MBP: variants seen among roughly 807,000 people sequenced by gnomAD.
The protein encoded by MBP is Golli-MBP.
In MBP, 16 loss-of-function variants were observed where a neutral mutation model predicts 35.8. That is an observed-to-expected ratio of 0.45 (90% CI 0.30 to 0.68). The LOEUF (loss-of-function observed/expected upper bound fraction) is 0.68. Among genes scored for constraint, MBP ranks in the 30% least tolerant of loss-of-function variants. The probability of loss-of-function intolerance (pLI) is 0.08; values close to 1 mark genes in which losing one functional copy is unlikely to be tolerated. For missense variants in MBP, 380 were observed against 404.7 expected (o/e 0.94, Z 0.52); for synonymous variants, 143 against 159.6 (o/e 0.90, Z 0.78).
chr18:77,039,599 G>T (rs897891850), intron 3 of MBP, among the ~76,000 whole-genome samples: 2 of 152,226 alleles, frequency 1.3e-5, no homozygotes, highest in Non-Finnish European at 2.9e-5. Context: ...AACACAGCAG[G>T]CATGCAGGGG....
intron 2 of MBP, among the ~76,000 whole-genome samples, chr18:77,103,133 C>T (rs1462335753): frequency 6.6e-6 from 1 of 152,202 alleles, no homozygotes; most frequent in Non-Finnish European, 1.5e-5. Context: ...GTCACCTACT[C>T]GCCTTCCATG....
At chr18:77,070,170 C>T (rs1261628548) in intron 2 of MBP, among the ~76,000 whole-genome samples, 2 of 152,160 alleles carry the variant, frequency 1.3e-5, no homozygotes, top group Non-Finnish European at 2.9e-5. Flanking sequence ...CAAGAGCTTC[C>T]TGCAGACGGG....
At chr18:77,010,473 T>C (rs1971281960) in intron 4 of MBP, among the ~76,000 whole-genome samples, 1 of 152,260 alleles carries the variant, frequency 6.6e-6, no homozygotes, top group South Asian at 2.1e-4. Flanking sequence ...TGAAACTTTT[T>C]CTGCTCTGTG....
rs1599297982 is a variant in MBP at position 77,131,041 on chromosome 18, A to C, written c.-26+1539T>G. Among the ~76,000 whole-genome samples the C allele has an allele frequency of 7.7e-6, 1 of 129,980 alleles. No homozygotes were observed. Among genetic ancestry groups the C allele is most frequent in the African/African-American group, 2.8e-5 (1 of 35,490 alleles). 85.3% of individuals were successfully genotyped at this position (129,980 alleles called of 152,430 possible). A position where few individuals can be genotyped will look rare whatever the true frequency, so the allele number is the denominator to read the frequency against. On this transcript the variant is annotated intron_variant, in intron 1 of 8. Coordinates refer to ENST00000355994, the MANE Select transcript of MBP (RefSeq NM_001025101.2). This position sits in a 1 kb window ranked among gnomAD's most constrained non-coding sequence, Gnocchi z 5.5. ...TTTTTCCCACAAAAAAAAAAAAAAA[A>C]CAAAACCTCAAAAAACAAAACACAC...
chr18:77,085,979 G>A (rs12956948), intron 2 of MBP, among the ~76,000 whole-genome samples: 56,325 of 151,942 alleles, frequency 0.37, 12,496 homozygotes, highest in East Asian at 0.54. Context: ...ACCGCGCCCG[G>A]CCCTCAGTGC....
At chr18:77,018,730 A>T (rs1268860462) in intron 3 of MBP, among the ~76,000 whole-genome samples, 1 of 138,574 alleles carries the variant, frequency 7.2e-6, no homozygotes, top group Non-Finnish European at 1.6e-5. Context: ...CCATCCATCC[A>T]CCCCTCCATC....
intron 4 of MBP, chr18:77,015,782 C>G (rs1242539093): frequency 1.0e-6 from 1 of 985,336 alleles, no homozygotes; most frequent in Admixed American, 6.1e-5. Context: ...CTCCTTAACT[C>G]CAAGTTGCCC....
At chr18:77,059,924 A>G (rs1399269295) in intron 3 of MBP, among the ~76,000 whole-genome samples, 1 of 152,248 alleles carries the variant, frequency 6.6e-6, no homozygotes, top group Non-Finnish European at 1.5e-5. Flanking sequence ...TAGATATGAC[A>G]GGAACAGCCT....
intron 2 of MBP, among the ~76,000 whole-genome samples, chr18:77,104,829 A>G (rs1416302854): frequency 6.6e-6 from 1 of 152,186 alleles, no homozygotes. Context: ...GACCAATCAC[A>G]GAATGTGGAC....
Position 77,131,041 on chromosome 18 carries a change from AC to A in MBP, c.-26+1538del, listed in dbSNP as rs1302315622. 1.2e-4 allele frequency among the ~76,000 whole-genome samples: 15 copies of A among 129,880 alleles called. No individual in the cohort carries two copies. Among genetic ancestry groups the A allele is most frequent in the Non-Finnish European group, 2.0e-4 (12 of 59,360 alleles). 85.2% of individuals were successfully genotyped at this position (129,880 alleles called of 152,430 possible). Reference sequence around the variant, plus strand: ...TTTTTCCCACAAAAAAAAAAAAAAAACAAAACCTCAAAAAACAAAACACACA... The same window carrying A: ...TTTTTCCCACAAAAAAAAAAAAAAAAAAAACCTCAAAAAACAAAACACACA... On this transcript the variant is annotated intron_variant, in intron 1 of 8. Coordinates refer to ENST00000355994, the MANE Select transcript of MBP (RefSeq NM_001025101.2). This position sits in a 1 kb window ranked among gnomAD's most constrained non-coding sequence, Gnocchi z 5.5.
rs1176055958 is a variant in MBP, at chr18:76,988,212, G to T, written c.750+283C>A. 1 of 1,548,430 alleles carries T rather than the reference G, an allele frequency of 6.5e-7. No homozygotes were observed. The highest frequency in any genetic ancestry group is 2.0e-5 in the Admixed American group (1 of 51,006). On this transcript the variant is annotated intron_variant, in intron 7 of 8. Coordinates refer to ENST00000355994, the MANE Select transcript of MBP (RefSeq NM_001025101.2). The surrounding 1 kb of genome is among the most constrained non-coding windows in gnomAD (Gnocchi z 5.2). ...GGTGTTGCTCCCTCCCTGGGAGGGA[G>T]ACCAGTCACGTCGCCTGGGAACCCT...
intron 1 of MBP, among the ~76,000 whole-genome samples, chr18:77,116,686 C>T (rs1460028837): frequency 2.0e-5 from 3 of 152,160 alleles, no homozygotes; most frequent in African/African-American, 7.2e-5. Flanking sequence ...CGGCGAAACC[C>T]CGTCTCTGCT....
At chr18:77,009,868 C>A (rs779853032) in intron 4 of MBP, 1 of 1,592,322 alleles carries the variant, frequency 6.3e-7, no homozygotes, top group South Asian at 1.1e-5. Flanking sequence ...GTTGCACAGC[C>A]CAGGCTGGCT....
At chr18:77,071,511 A>T (rs548712176) in intron 2 of MBP, among the ~76,000 whole-genome samples, 1 of 152,184 alleles carries the variant, frequency 6.6e-6, no homozygotes, top group Admixed American at 6.5e-5. Flanking sequence ...TCTAGTGATA[A>T]CCAGAACAGA....
intron 2 of MBP, among the ~76,000 whole-genome samples, chr18:77,103,329 G>A (rs1976118667): frequency 6.6e-6 from 1 of 152,176 alleles, no homozygotes; most frequent in African/African-American, 2.4e-5. Flanking sequence ...CATTTCTAAA[G>A]CATCTGGGTG....
chr18:77,061,054 G>C (rs992865184), intron 3 of MBP, among the ~76,000 whole-genome samples: 1 of 152,190 alleles, frequency 6.6e-6, no homozygotes, highest in Non-Finnish European at 1.5e-5. Context: ...GCCTATCAAA[G>C]TCCTGGCTCT....
At chr18:77,035,473 C>G (rs1972725841) in intron 3 of MBP, among the ~76,000 whole-genome samples, 1 of 152,214 alleles carries the variant, frequency 6.6e-6, no homozygotes, top group South Asian at 2.1e-4. Context: ...AGATGCGAAC[C>G]ATCTGTCCAC....
chr18:76,988,811 A>G lies in MBP; in HGVS notation c.717+66T>C, dbSNP rs1969721808. 7.2e-6 allele frequency: 11 copies of G among 1,534,032 alleles called. No individual in the cohort carries two copies. Among genetic ancestry groups the G allele is most frequent in the South Asian group, 3.6e-5 (3 of 83,862 alleles). On this transcript the variant is annotated intron_variant, in intron 6 of 8. Transcript: ENST00000355994. This position sits in a 1 kb window ranked among gnomAD's most constrained non-coding sequence, Gnocchi z 5.2. Reference sequence around the variant, plus strand: ...CGGAGCCTAACTCTCTCTTTGGTACATTATGGGATTTTAGAGAAGGTCTAT... The same window carrying G: ...CGGAGCCTAACTCTCTCTTTGGTACGTTATGGGATTTTAGAGAAGGTCTAT...
At chr18:77,060,651 G>A (rs1222215302) in intron 3 of MBP, among the ~76,000 whole-genome samples, 6 of 152,064 alleles carry the variant, frequency 3.9e-5, no homozygotes, top group East Asian at 3.9e-4. Flanking sequence ...TGGTTTCCCC[G>A]TGTTGGTCAG....
Sources: allele counts gnomAD v4.1 joint callset (sites outside exome capture counted in the v4.1 genomes callset), GRCh38; gene constraint gnomAD v4.1.1; non-coding constraint Gnocchi (gnomAD v3.1); transcripts MANE v1.5; gene names NCBI Gene and HGNC (gene_info 2026-07-23, HGNC 2026-07-21).